The following ITGBL1 variants were observed in gnomAD, a reference collection of about 807,000 sequenced individuals.
ITGBL1 encodes the protein integrin beta-like protein 1.
In ITGBL1, 51 loss-of-function variants were observed where a neutral mutation model predicts 68.5. That is an observed-to-expected ratio of 0.74 (90% CI 0.59 to 0.94). The LOEUF is 0.94. Ranked by LOEUF, ITGBL1 falls within the 40% of genes least tolerant of loss-of-function variation. ITGBL1 has a pLI of 0.00. For synonymous variants in ITGBL1, 209 were observed against 227.3 expected, an observed-to-expected ratio of 0.92 and a Z score of 0.72; for missense variants, 649 against 647.4, an observed-to-expected ratio of 1.00 and a Z score of -0.03.
intron 2 of ITGBL1, among the ~76,000 whole-genome samples, chr13:101,532,694 GT>G (rs1370429751): frequency 6.6e-6 from 1 of 152,132 alleles, no homozygotes; most frequent in Non-Finnish European, 1.5e-5. Context: ...GCCTTGCAAA[GT>G]CTTTTTTTGC....
At chr13:101,628,510 G>A (rs1464992826) in intron 7 of ITGBL1, among the ~76,000 whole-genome samples, 17 of 150,208 alleles carry the variant, frequency 1.1e-4, no homozygotes, top group African/African-American at 4.2e-4. Flanking sequence ...TCAGCTCACT[G>A]CAACCTCTGC....
chr13:101,496,944 C>T (rs544026221), intron 2 of ITGBL1, among the ~76,000 whole-genome samples: 3 of 152,190 alleles, frequency 2.0e-5, no homozygotes, highest in East Asian at 3.9e-4. Flanking sequence ...TGTGGAAAGC[C>T]TGGGATGTTG....
intron 6 of ITGBL1, among the ~76,000 whole-genome samples, chr13:101,595,618 A>G (rs1440989360): frequency 6.6e-6 from 1 of 152,192 alleles, no homozygotes; most frequent in Non-Finnish European, 1.5e-5. Context: ...AACATCACTA[A>G]TAGGGAAATG....
At chr13:101,487,380 C>T (rs527604019) in intron 2 of ITGBL1, among the ~76,000 whole-genome samples, 1 of 151,892 alleles carries the variant, frequency 6.6e-6, no homozygotes, top group Non-Finnish European at 1.5e-5. Flanking sequence ...AATGTAAAAC[C>T]CATATTGGAG....
intron 2 of ITGBL1, among the ~76,000 whole-genome samples, chr13:101,455,252 A>G (rs1214742239): frequency 6.6e-6 from 1 of 152,226 alleles, no homozygotes; most frequent in Middle Eastern, 3.2e-3. Context: ...CCAGTAGTGT[A>G]TAAGTTACTT....
At chr13:101,483,516 T>C (rs144081406) in intron 2 of ITGBL1, among the ~76,000 whole-genome samples, 1 of 152,220 alleles carries the variant, frequency 6.6e-6, no homozygotes, top group African/African-American at 2.4e-5. Flanking sequence ...ATCACTTGAC[T>C]GGAGAAGGAG....
At chr13:101,546,883 A>T (rs927348291) in intron 2 of ITGBL1, among the ~76,000 whole-genome samples, 1 of 152,060 alleles carries the variant, frequency 6.6e-6, no homozygotes, top group Non-Finnish European at 1.5e-5. Flanking sequence ...TGAAGATGCT[A>T]CCAAGTGAAG....
At chr13:101,625,766 C>T (rs1255281035) in intron 7 of ITGBL1, among the ~76,000 whole-genome samples, 2 of 152,072 alleles carry the variant, frequency 1.3e-5, no homozygotes, top group African/African-American at 4.8e-5. Context: ...GTTGGCCAGG[C>T]TTGTCTTTAA....
At chr13:101,622,575 A>T (rs1328197324) in intron 7 of ITGBL1, among the ~76,000 whole-genome samples, 1 of 152,176 alleles carries the variant, frequency 6.6e-6, no homozygotes, top group East Asian at 1.9e-4. Flanking sequence ...TGACTCCATG[A>T]GTAGTGTTGA....
At chr13:101,500,032 A>G (rs1245146149) in intron 2 of ITGBL1, among the ~76,000 whole-genome samples, 1 of 152,158 alleles carries the variant, frequency 6.6e-6, no homozygotes, top group Non-Finnish European at 1.5e-5. Flanking sequence ...CCATAGGTTT[A>G]TCTTCCACCA....
intron 2 of ITGBL1, among the ~76,000 whole-genome samples, chr13:101,469,184 C>T (rs370597568): frequency 1.6e-4 from 24 of 152,142 alleles, no homozygotes; most frequent in Admixed American, 3.9e-4. Flanking sequence ...CAAAGCTATG[C>T]GAGCCAACAA....
chr13:101,701,302 A>C, intron 8 of ITGBL1, among the ~76,000 whole-genome samples: 1 of 152,182 alleles, frequency 6.6e-6, no homozygotes, highest in Non-Finnish European at 1.5e-5. Context: ...TGGGAGGCCG[A>C]GGCGGGCAGA....
chr13:101,578,245 C>T (rs376391527), intron 4 of ITGBL1, among the ~76,000 whole-genome samples: 17 of 152,216 alleles, frequency 1.1e-4, no homozygotes, highest in African/African-American at 3.9e-4. Flanking sequence ...GATAAATATG[C>T]TTATAAGACA....
At chr13:101,568,716 T>C (rs1566735704) in intron 3 of ITGBL1, among the ~76,000 whole-genome samples, 1 of 152,090 alleles carries the variant, frequency 6.6e-6, no homozygotes, top group Non-Finnish European at 1.5e-5. Flanking sequence ...CACGAATGAG[T>C]ACCTTTCTTC....
chr13:101,705,654 C>A (rs569278043), intron 8 of ITGBL1, among the ~76,000 whole-genome samples: 3 of 151,912 alleles, frequency 2.0e-5, no homozygotes, highest in Non-Finnish European at 4.4e-5. Context: ...AATTGCAAAC[C>A]ATTAAGCATT....
intron 7 of ITGBL1, among the ~76,000 whole-genome samples, chr13:101,675,362 CAAAAAAATTATTAAA>C (rs1566786300): frequency 6.6e-6 from 1 of 151,894 alleles, no homozygotes; most frequent in East Asian, 1.9e-4. Context: ...CAAAGACTGT[CAAAAAAATTATTAAA>C]GACTGAATGG....
chr13:101,605,245 CGT>C lies in ITGBL1; in HGVS notation c.1015+6947_1015+6948del, dbSNP rs202213537. 2.3e-3 allele frequency among the ~76,000 whole-genome samples: 316 copies of C among 140,404 alleles called. 2 individuals are homozygous for C. Among genetic ancestry groups the C allele is most frequent in the African/African-American group, 7.9e-3 (282 of 35,556 alleles). The allele number at this position is 140,404 out of a possible 152,430, so 92.1% of individuals were successfully genotyped here. A position where few individuals can be genotyped will look rare whatever the true frequency, so the allele number is the denominator to read the frequency against. On this transcript the variant is annotated intron_variant, in intron 7 of 10. Coordinates refer to ENST00000376180, the MANE Select transcript of ITGBL1 (RefSeq NM_004791.3). ...ATAGACATAGGCATGTGTGTATATG[CGT>C]ATATATACACATATAGACATAGGCA...
At chr13:101,518,431 C>G (rs1295615964) in intron 2 of ITGBL1, among the ~76,000 whole-genome samples, 1 of 152,162 alleles carries the variant, frequency 6.6e-6, no homozygotes, top group Non-Finnish European at 1.5e-5. Flanking sequence ...TCTGTCCAAA[C>G]AGTTAAGAGT....
At chr13:101,618,696 C>T (rs76584962) in intron 7 of ITGBL1, among the ~76,000 whole-genome samples, 17,110 of 152,134 alleles carry the variant, frequency 0.11, 1,307 homozygotes, top group African/African-American at 0.22. Context: ...CCAACACACA[C>T]GTTTCTGCTT....
Sources: gnomAD v4.1 joint callset for allele counts (sites outside exome capture counted in the v4.1 genomes callset) on GRCh38, gnomAD v4.1.1 for gene constraint, MANE v1.5 for transcripts, NCBI Gene and HGNC (gene_info 2026-07-23, HGNC 2026-07-21) for gene names.